The following BACE2 variants were observed in gnomAD, a reference collection of about 807,000 sequenced individuals.
The protein encoded by BACE2 is beta-secretase 2.
BACE2 carries 17 observed loss-of-function variants against 46.2 expected under a neutral mutation model. That is an observed-to-expected ratio of 0.37 (90% CI 0.25 to 0.55). The LOEUF (loss-of-function observed/expected upper bound fraction) is 0.55, where lower values mean the gene tolerates loss of function less well. Ranked by LOEUF, BACE2 falls within the 20% of genes least tolerant of loss-of-function variation. BACE2 has a pLI of 0.82. For missense variants in BACE2, 595 were observed against 698.1 expected (o/e 0.85, Z 1.66); for synonymous variants, 277 against 295.9 (o/e 0.94, Z 0.66).
At chr21:41,188,788 T>C (rs1985466558) in intron 1 of BACE2, among the ~76,000 whole-genome samples, 2 of 152,216 alleles carry the variant, frequency 1.3e-5, no homozygotes, top group African/African-American at 4.8e-5. Flanking sequence ...AATCCAAGGA[T>C]GGAGTTGCTT....
At chr21:41,252,090 G>A (rs1396894599) in intron 7 of BACE2, among the ~76,000 whole-genome samples, 3 of 152,080 alleles carry the variant, frequency 2.0e-5, no homozygotes, top group Non-Finnish European at 2.9e-5. Flanking sequence ...TTTTGAAACT[G>A]TTGTCAGATC....
chr21:41,196,012 C>G (rs548878856), intron 1 of BACE2, among the ~76,000 whole-genome samples: 1 of 152,280 alleles, frequency 6.6e-6, no homozygotes, highest in South Asian at 2.1e-4. Context: ...GGGCTGGGCA[C>G]AGTGGCTCAT....
chr21:41,189,188 G>A (rs1441143905), intron 1 of BACE2, among the ~76,000 whole-genome samples: 2 of 139,894 alleles, frequency 1.4e-5, no homozygotes, highest in African/African-American at 6.1e-5. Context: ...TCTTAGTCTG[G>A]ATCTTTAAAA....
intron 7 of BACE2, among the ~76,000 whole-genome samples, chr21:41,251,933 G>A (rs1322725184): frequency 6.6e-6 from 1 of 152,076 alleles, no homozygotes; most frequent in East Asian, 1.9e-4. Context: ...CACGTCTAAT[G>A]AAATGGACCA....
chr21:41,249,224 G>A (rs987556758), intron 6 of BACE2, among the ~76,000 whole-genome samples: 1 of 144,168 alleles, frequency 6.9e-6, no homozygotes, highest in African/African-American at 2.6e-5. Flanking sequence ...TGGCCTCAGG[G>A]GACTCAGGAT....
At chr21:41,267,942 G>T (rs944944554) in intron 8 of BACE2, among the ~76,000 whole-genome samples, 7 of 152,130 alleles carry the variant, frequency 4.6e-5, no homozygotes, top group Non-Finnish European at 1.0e-4. Context: ...TAGGGAAAAA[G>T]ACCTGACCAT....
intron 1 of BACE2, among the ~76,000 whole-genome samples, chr21:41,210,211 GC>G (rs1986254522): frequency 6.8e-6 from 1 of 148,058 alleles, no homozygotes; most frequent in Admixed American, 6.7e-5. Context: ...AAGCTCCTAA[GC>G]CCCCCACCAA....
chr21:41,222,733 G>T (rs565598846), intron 1 of BACE2, among the ~76,000 whole-genome samples: 18 of 152,354 alleles, frequency 1.2e-4, no homozygotes, highest in Admixed American at 1.2e-3. Context: ...AGGACGAGGA[G>T]GGGATGACAG....
At chr21:41,174,731 C>T (rs1984745455) in intron 1 of BACE2, among the ~76,000 whole-genome samples, 1 of 152,086 alleles carries the variant, frequency 6.6e-6, no homozygotes, top group African/African-American at 2.4e-5. Context: ...GAGTGAGGTC[C>T]CTCTCCAGGT....
intron 1 of BACE2, among the ~76,000 whole-genome samples, chr21:41,173,898 G>A (rs1984696444): frequency 6.6e-6 from 1 of 152,122 alleles, no homozygotes; most frequent in East Asian, 1.9e-4. Context: ...TGGGATGGAT[G>A]TAGAAAGCTT....
At chr21:41,176,725 T>C (rs1205572189) in intron 1 of BACE2, 1 of 152,222 alleles carries the variant, frequency 6.6e-6, no homozygotes, top group Non-Finnish European at 1.5e-5. Context: ...TCTAGGGGTC[T>C]CATTCTGAGG....
At position 41,193,877 on chromosome 21, in the gene BACE2, A is replaced by G. The variant is rs915869332; in HGVS notation, c.312+25302A>G. On this transcript the variant is annotated intron_variant, in intron 1 of 8. Transcript: ENST00000330333. The surrounding 1 kb of genome is among the most constrained non-coding windows in gnomAD (Gnocchi z 4.2). ...TAACGTCAGCTCAGAGCCAGTGTCCAGTAGTCCCTGAAATGTCTGATCATC... is the reference window on the plus strand; with the variant it reads ...TAACGTCAGCTCAGAGCCAGTGTCCGGTAGTCCCTGAAATGTCTGATCATC... Among the ~76,000 whole-genome samples the G allele has an allele frequency of 6.6e-6, 1 of 152,208 alleles. No homozygotes were observed.
chr21:41,249,377 C>T (rs1421962821), intron 6 of BACE2, among the ~76,000 whole-genome samples: 1 of 150,138 alleles, frequency 6.7e-6, no homozygotes. Flanking sequence ...GTGAGCCCCA[C>T]ATGTACACTT....
intron 3 of BACE2, among the ~76,000 whole-genome samples, chr21:41,240,416 T>C (rs975850469): frequency 6.6e-6 from 1 of 152,234 alleles, no homozygotes; most frequent in Admixed American, 6.5e-5. Flanking sequence ...CTTGACAGAA[T>C]GATTGCAGCT....
rs1476825191 is a variant in BACE2, at chr21:41,281,022, C to T, written c.*5398C>T. 2 of 152,300 alleles carry T rather than the reference C, an allele frequency of 1.3e-5. No individual in the cohort carries two copies. Among genetic ancestry groups the T allele is most frequent in the Middle Eastern group, 3.4e-3 (1 of 294 alleles). The allele number at this position is 152,300 out of a possible 1,614,324, so 9.4% of individuals were successfully genotyped here. A position where few individuals can be genotyped will look rare whatever the true frequency, so the allele number is the denominator to read the frequency against. ...GATGCTTGGGTGCCCCGTTGAGCCTCGGGTACTTCTTGGACACTATTGTGA... is the reference window on the plus strand; with the variant it reads ...GATGCTTGGGTGCCCCGTTGAGCCTTGGGTACTTCTTGGACACTATTGTGA... On this transcript the variant is annotated 3_prime_UTR_variant, in exon 9 of 9. Coordinates refer to ENST00000330333, the MANE Select transcript of BACE2 (RefSeq NM_012105.5).
rs1731223487 is a variant in BACE2, at chr21:41,257,381, G to A, written c.1303+55G>A. 1.1e-5 allele frequency: 17 copies of A among 1,580,960 alleles called. No individual in the cohort carries two copies. The Admixed American group carries it at 1.2e-4, about 11-fold the overall frequency. The stretch of plus-strand genomic sequence containing the variant: ...CCCGACAAGAGTCCTTTATGTAAAT[G>A]TGCTGACTTGGAAGCAATTCTTGAT... On this transcript the variant is annotated intron_variant, in intron 8 of 8. Coordinates refer to ENST00000330333, the MANE Select transcript of BACE2 (RefSeq NM_012105.5).
chr21:41,224,241 G>T (rs1475500637), intron 1 of BACE2, among the ~76,000 whole-genome samples: 4 of 119,904 alleles, frequency 3.3e-5, no homozygotes, highest in Non-Finnish European at 4.9e-5. Context: ...TTGAGATGGA[G>T]TATCGTTCTG....
At chr21:41,222,543 G>A (rs1344347566) in intron 1 of BACE2, among the ~76,000 whole-genome samples, 1 of 152,260 alleles carries the variant, frequency 6.6e-6, no homozygotes, top group Non-Finnish European at 1.5e-5. Flanking sequence ...GCGTGGCTGG[G>A]AGGAGTGATG....
At chr21:41,220,518 G>C (rs1986610599) in intron 1 of BACE2, among the ~76,000 whole-genome samples, 1 of 152,086 alleles carries the variant, frequency 6.6e-6, no homozygotes, top group Admixed American at 6.6e-5. Context: ...AGATTCCAGA[G>C]ATTTTAGGAG....
Sources: gnomAD v4.1 joint callset for allele counts (sites outside exome capture counted in the v4.1 genomes callset) on GRCh38, gnomAD v4.1.1 for gene constraint, Gnocchi (gnomAD v3.1) non-coding constraint, MANE v1.5 for transcripts, NCBI Gene and HGNC (gene_info 2026-07-23, HGNC 2026-07-21) for gene names.